The following ENAH variants were observed in gnomAD, a reference collection of about 807,000 sequenced individuals.
The protein encoded by ENAH is ENAH actin regulator.
ENAH carries 23 observed loss-of-function variants against 78.7 expected under a neutral mutation model. The ratio of observed to expected loss-of-function variants is 0.29; its 90% CI spans 0.21 to 0.41. ENAH has a LOEUF of 0.41. ENAH is among the 10% of genes least tolerant of loss of function. The probability of loss-of-function intolerance (pLI) is 1.00; values close to 1 mark genes in which losing one functional copy is unlikely to be tolerated. For synonymous variants in ENAH, 226 were observed against 241.0 expected, an observed-to-expected ratio of 0.94 and a Z score of 0.58; for missense variants, 544 against 691.0, an observed-to-expected ratio of 0.79 and a Z score of 2.39.
Position 225,517,160 on chromosome 1 carries a change from G to A in ENAH, c.913+36C>T, listed in dbSNP as rs546862588. On this transcript the variant is annotated intron_variant, in intron 6 of 13. Coordinates refer to ENST00000366843, the MANE Select transcript of ENAH (RefSeq NM_018212.6). ...AGTCACTGCTATATAACATTTTCAAGTGATTAGCTGTTAGTAGCAATAATG... is the reference window on the plus strand; with the variant it reads ...AGTCACTGCTATATAACATTTTCAAATGATTAGCTGTTAGTAGCAATAATG... 1,047 of 1,459,678 alleles carry A rather than the reference G, an allele frequency of 7.2e-4. 19 individuals are homozygous for A. The South Asian group carries it at 0.013, about 18-fold the overall frequency. The allele number at this position is 1,459,678 out of a possible 1,614,324, so 90.4% of individuals were successfully genotyped here. A position where few individuals can be genotyped will look rare whatever the true frequency, so the allele number is the denominator to read the frequency against.
At chr1:225,625,345 A>G (rs1657753624) in intron 1 of ENAH, among the ~76,000 whole-genome samples, 1 of 152,206 alleles carries the variant, frequency 6.6e-6, no homozygotes. Flanking sequence ...CTGCTCAGAG[A>G]CTTTGCAAGA....
intron 4 of ENAH, among the ~76,000 whole-genome samples, chr1:225,526,572 C>T (rs770441630): frequency 2.6e-5 from 4 of 151,646 alleles, no homozygotes; most frequent in South Asian, 2.1e-4. Context: ...CTCCTAACCT[C>T]GTGATCTGCC....
intron 1 of ENAH, among the ~76,000 whole-genome samples, chr1:225,644,462 G>C (rs1268350267): frequency 2.6e-5 from 4 of 152,096 alleles, no homozygotes; most frequent in African/African-American, 9.7e-5. Context: ...GAGAATTTGG[G>C]GGAGGAGGAG....
chr1:225,543,888 T>C (rs1469638207), intron 3 of ENAH, among the ~76,000 whole-genome samples: 1 of 152,224 alleles, frequency 6.6e-6, no homozygotes, highest in East Asian at 1.9e-4. Flanking sequence ...TTAGAATTTT[T>C]CTACCTTACC....
intron 1 of ENAH, among the ~76,000 whole-genome samples, chr1:225,617,098 C>CAATTAAA (rs1655879231): frequency 7.1e-6 from 1 of 140,854 alleles, no homozygotes; most frequent in Non-Finnish European, 1.5e-5. Flanking sequence ...GGCTCCATCT[C>CAATTAAA]AATTAAAAAA....
intron 1 of ENAH, among the ~76,000 whole-genome samples, chr1:225,608,250 A>C (rs2096967433): frequency 6.7e-6 from 1 of 149,888 alleles, no homozygotes; most frequent in Non-Finnish European, 1.5e-5. Context: ...ACAAAATCAG[A>C]CAGCAAAGAG....
chr1:225,642,573 G>T (rs1274634403), intron 1 of ENAH, among the ~76,000 whole-genome samples: 1 of 152,112 alleles, frequency 6.6e-6, no homozygotes, highest in Non-Finnish European at 1.5e-5. Flanking sequence ...AGGAAGCTGA[G>T]GTGGGAGGAT....
At chr1:225,552,154 T>TTTTTTTA (rs2096644012) in intron 3 of ENAH, among the ~76,000 whole-genome samples, 1 of 150,046 alleles carries the variant, frequency 6.7e-6, no homozygotes, top group Non-Finnish European at 1.5e-5. Context: ...TTTTTTTTTT[T>TTTTTTTA]GAGACAGAGT....
At chr1:225,640,306 T>C (rs960764016) in intron 1 of ENAH, among the ~76,000 whole-genome samples, 10 of 152,208 alleles carry the variant, frequency 6.6e-5, no homozygotes, top group African/African-American at 2.2e-4. Flanking sequence ...GTTTTCATAG[T>C]TTTGTTTCAT....
chr1:225,541,279 A>G (rs2151325818), intron 3 of ENAH, among the ~76,000 whole-genome samples: 1 of 60,884 alleles, frequency 1.6e-5, no homozygotes, highest in South Asian at 4.1e-4. Context: ...CTAAAAATAC[A>G]AAAAATTAGC....
chr1:225,517,054 TAAAA>T (rs150663666), intron 6 of ENAH, 138 bp downstream of exon 6: 3 of 483,562 alleles, frequency 6.2e-6, no homozygotes, highest in East Asian at 3.8e-5. Context: ...TTTTTTTAAT[TAAAA>T]AAAAAAAAAG....
chr1:225,542,523 G>A (rs542385041), intron 3 of ENAH, among the ~76,000 whole-genome samples: 20 of 152,202 alleles, frequency 1.3e-4, no homozygotes, highest in African/African-American at 4.3e-4. Context: ...ATCTCTCTGC[G>A]TGACAATTCC....
chr1:225,609,656 ATTTTTTT>A lies in ENAH; in HGVS notation c.6-42249_6-42243del, dbSNP rs59508510. On this transcript the variant is annotated intron_variant, in intron 1 of 13. Transcript: ENST00000366843. ...ATTCTAGCAGGAAAGGGAAAAATGG[ATTTTTTT>A]TTTTTTTTTTTTTTTTTTTTTGAGA... is the stretch of plus-strand genomic sequence containing the variant. 4.3e-3 allele frequency among the ~76,000 whole-genome samples: 331 copies of A among 76,486 alleles called. 3 individuals carry two copies. Among genetic ancestry groups the A allele is most frequent in the South Asian group, 0.016 (31 of 1,982 alleles). The allele number at this position is 76,486 out of a possible 152,430, so 50.2% of individuals were successfully genotyped here. A position where few individuals can be genotyped will look rare whatever the true frequency, so the allele number is the denominator to read the frequency against.
chr1:225,534,461 G>T (rs1293498173), intron 3 of ENAH, among the ~76,000 whole-genome samples: 1 of 150,206 alleles, frequency 6.7e-6, no homozygotes, highest in Non-Finnish European at 1.5e-5. Flanking sequence ...GTACTTCTTT[G>T]CCTAAACCAG....
In ENAH at chr1:225,497,277, G is replaced by A. The variant is rs2096253848; in HGVS notation, c.*498C>T. On this transcript the variant is annotated 3_prime_UTR_variant, in exon 14 of 14. Transcript: ENST00000366843. Reference sequence around the variant, plus strand: ...TTATGATCTTAACTTACATAGGGCTGATCTCAATTATTCATGGAATATCAA... The same window carrying A: ...TTATGATCTTAACTTACATAGGGCTAATCTCAATTATTCATGGAATATCAA... 1 of 152,890 alleles carries A rather than the reference G, an allele frequency of 6.5e-6. No individual in the cohort carries two copies. 9.5% of individuals were successfully genotyped at this position (152,890 alleles called of 1,614,324 possible).
intron 1 of ENAH, among the ~76,000 whole-genome samples, chr1:225,568,531 C>T (rs7548206): frequency 1.1e-4 from 16 of 152,318 alleles, no homozygotes; most frequent in African/African-American, 3.8e-4. Flanking sequence ...TGAGACTTAA[C>T]AGTCATTAAT....
intron 1 of ENAH, among the ~76,000 whole-genome samples, chr1:225,626,897 T>C (rs909048203): frequency 5.9e-5 from 9 of 152,180 alleles, no homozygotes; most frequent in Non-Finnish European, 1.3e-4. Flanking sequence ...TGCAATACAG[T>C]TCAAATCATT....
intron 1 of ENAH, among the ~76,000 whole-genome samples, chr1:225,599,633 C>A (rs2096920042): frequency 6.6e-6 from 1 of 151,620 alleles, no homozygotes; most frequent in Non-Finnish European, 1.5e-5. Context: ...TGGTGAAACC[C>A]CGTCTCTACT....
intron 10 of ENAH, 88 bp from the exon 11 acceptor site, chr1:225,508,105 T>C (rs1451705243): frequency 2.6e-6 from 2 of 767,624 alleles, no homozygotes; most frequent in Admixed American, 3.1e-5. Flanking sequence ...AATCTCATTA[T>C]ACCTGTTTAC....
Sources: allele counts gnomAD v4.1 joint callset (sites outside exome capture counted in the v4.1 genomes callset), GRCh38; gene constraint gnomAD v4.1.1; transcripts MANE v1.5; gene names NCBI Gene and HGNC (gene_info 2026-07-23, HGNC 2026-07-21).